The following VSIG10L2 variants were observed in gnomAD, a reference collection of about 807,000 sequenced individuals.
The protein encoded by VSIG10L2 is V-set and immunoglobulin domain-containing protein 10-like 2.
VSIG10L2 carries 56 observed loss-of-function variants against 67.1 expected under a neutral mutation model. That is an observed-to-expected ratio of 0.83 (90% CI 0.67 to 1.04). The LOEUF (loss-of-function observed/expected upper bound fraction) is 1.04, where lower values mean the gene tolerates loss of function less well. Ranked by LOEUF, VSIG10L2 falls within the 50% of genes least tolerant of loss-of-function variation. VSIG10L2 has a pLI of 0.00. For missense variants in VSIG10L2, 843 were observed against 932.8 expected (o/e 0.90, Z 1.25); for synonymous variants, 360 against 396.6 (o/e 0.91, Z 1.10).
chr11:125,953,427 C>A lies in VSIG10L2; in HGVS notation c.1523C>A (p.Pro508His). The A allele has an allele frequency of 2.4e-6, 3 of 1,232,410 alleles. No homozygotes were observed. Among genetic ancestry groups the A allele is most frequent in the Non-Finnish European group, 3.0e-6 (3 of 988,164 alleles). 76.3% of individuals were successfully genotyped at this position (1,232,410 alleles called of 1,614,324 possible). The change falls in exon 7 of 12, where the codon CCC (proline) becomes CAC (histidine). Residue 508 changes from proline to histidine, a missense_variant. Physicochemically the swap from Pro to His is moderately conservative, Grantham distance 77 (BLOSUM62 -2). Transcript: ENST00000686984. ...GCCCCACAGCTGGACGTGGCTGAGC[C>A]CCGCGTGTCAGTGTTGGAGGGGGGA... ...LEAPQLDVAE[P>H]RVSVLEGGEA...
chr11:125,954,454 A>G, intron 8 of VSIG10L2, 71 bp downstream of exon 8: 8 of 1,181,928 alleles, frequency 6.8e-6, no homozygotes, highest in Non-Finnish European at 8.5e-6. Context: ...CTTCCTCTTC[A>G]CAGGGCATCC....
intron 8 of VSIG10L2, 66 bp downstream of exon 8, chr11:125,954,449 T>C: frequency 8.4e-7 from 1 of 1,197,366 alleles, no homozygotes; most frequent in African/African-American, 1.6e-5. Flanking sequence ...TTCATCTTCC[T>C]CTTCACAGGG....
In VSIG10L2 at chr11:125,950,922, G is replaced by T; in HGVS notation, c.998G>T (p.Gly333Val). The change falls in exon 5 of 12, where the codon GGA becomes GTA. Residue 333 changes from glycine to valine, a missense_variant. Coordinates refer to ENST00000686984, the MANE Select transcript of VSIG10L2 (RefSeq NM_001365077.2). The stretch of plus-strand genomic sequence containing the variant: ...CTTCCCCATCCAGATCCCCCTGAGG[G>T]ACAGCCCTCCTGTGCAGTGCATCCC... ...VQLTIYYPPE[G>V]QPSCAVHPSP... 5 of 1,232,574 alleles carry T rather than the reference G, an allele frequency of 4.1e-6. No individual in the cohort carries two copies. The highest frequency in any genetic ancestry group is 5.1e-6 in the Non-Finnish European group (5 of 988,330). The allele number at this position is 1,232,574 out of a possible 1,614,324, so 76.4% of individuals were successfully genotyped here. A position where few individuals can be genotyped will look rare whatever the true frequency, so the allele number is the denominator to read the frequency against.
rs189968579 is a variant in VSIG10L2, at chr11:125,952,306, G to A, written c.1495+233G>A. Among the ~76,000 whole-genome samples, 11 of 152,154 alleles carry A rather than the reference G, an allele frequency of 7.2e-5. No individual in the cohort carries two copies. The East Asian group carries it at 1.9e-3, about 27-fold the overall frequency. On this transcript the variant is annotated intron_variant, in intron 6 of 11. Coordinates refer to ENST00000686984, the MANE Select transcript of VSIG10L2 (RefSeq NM_001365077.2). ...GTTGTGTAATAAAAATATAATGTGA[G>A]CCATATATGTGATTTAAAATATTCT...
In VSIG10L2 at chr11:125,951,133, G is replaced by A. The variant is rs1372068590; in HGVS notation, c.1209G>A (p.Pro403=). Residue 403 remains proline (P), a synonymous_variant, in exon 5 of 12, where the codon CCG becomes CCA. Coordinates refer to ENST00000686984, the MANE Select transcript of VSIG10L2 (RefSeq NM_001365077.2). The stretch of plus-strand genomic sequence containing the variant: ...CTGGCCAGCACCCAGCCCTGGCACC[G>A]CCTGCCCTCTGCACAGTCATGCTCT... ...TCTGQHPALA[P]PALCTVMLWE... is the part of the protein sequence containing the mutation. 2.7e-5 allele frequency: 33 copies of A among 1,232,922 alleles called. No individual in the cohort carries two copies. Among genetic ancestry groups the A allele is most frequent in the South Asian group, 4.1e-5 (1 of 24,328 alleles). The allele number at this position is 1,232,922 out of a possible 1,614,324, so 76.4% of individuals were successfully genotyped here. A position where few individuals can be genotyped will look rare whatever the true frequency, so the allele number is the denominator to read the frequency against.
Position 125,946,544 on chromosome 11 carries a change from C to CTTTTT in VSIG10L2, c.82+416_82+420dup, listed in dbSNP as rs745417197. ...GGTTTCTGGGTTACATATTTTTATTCTTTTTTTTTTTTTGAGATGGAGTCT... is the reference window on the plus strand; with the variant it reads ...GGTTTCTGGGTTACATATTTTTATTCTTTTTTTTTTTTTTTTTTGAGATGGAGTCT... On this transcript the variant is annotated intron_variant, in intron 1 of 11. Transcript: ENST00000686984. The surrounding 1 kb of genome is among the most constrained non-coding windows in gnomAD (Gnocchi z 4.4). Among the ~76,000 whole-genome samples, 36,847 of 142,506 alleles carry CTTTTT rather than the reference C, an allele frequency of 0.26. 5,612 individuals are homozygous for CTTTTT. The highest frequency in any genetic ancestry group is 0.34 in the Non-Finnish European group (21,910 of 65,194). 93.5% of individuals were successfully genotyped at this position (142,506 alleles called of 152,430 possible). A position where few individuals can be genotyped will look rare whatever the true frequency, so the allele number is the denominator to read the frequency against.
chr11:125,949,561 C>T (rs1945338447), intron 3 of VSIG10L2, among the ~76,000 whole-genome samples: 1 of 152,146 alleles, frequency 6.6e-6, no homozygotes, highest in African/African-American at 2.4e-5. Context: ...GATGGTGACC[C>T]TGAGCTTGGA....
rs1185874655 is a variant in VSIG10L2, at chr11:125,948,599, G to C, written c.709+19G>C. On this transcript the variant is annotated intron_variant, in intron 3 of 11. Coordinates refer to ENST00000686984, the MANE Select transcript of VSIG10L2 (RefSeq NM_001365077.2). ...GTCATTTGTGAGTCAGACTGTGGTG[G>C]GGGGGCTGTCAGGGCTGACACCCAT... 2.4e-6 allele frequency: 3 copies of C among 1,231,944 alleles called. No individual in the cohort carries two copies. The highest frequency in any genetic ancestry group is 4.2e-5 in the Admixed American group (1 of 23,706). 76.3% of individuals were successfully genotyped at this position (1,231,944 alleles called of 1,614,324 possible). A position where few individuals can be genotyped will look rare whatever the true frequency, so the allele number is the denominator to read the frequency against.
Position 125,948,480 on chromosome 11 carries a change from G to T in VSIG10L2, c.609G>T (p.Gln203His). The change falls in exon 3 of 12, where the codon CAG becomes CAT. Residue 203 changes from glutamine to histidine, a missense_variant. Physicochemically the swap from Gln to His is conservative, Grantham distance 24. Coordinates refer to ENST00000686984, the MANE Select transcript of VSIG10L2 (RefSeq NM_001365077.2). ...TGGGGGTCACTGAGCCACTATTCCA[G>T]CTGGACCCTGTCAACCGGACACACC... ...ALVGVTEPLFQLDPVNRTHLG... is the reference protein window; with the variant it reads ...ALVGVTEPLFHLDPVNRTHLG... 8.1e-7 allele frequency: 1 copy of T among 1,232,284 alleles called. No homozygotes were observed. Among genetic ancestry groups the T allele is most frequent in the Non-Finnish European group, 1.0e-6 (1 of 988,032 alleles). 76.3% of individuals were successfully genotyped at this position (1,232,284 alleles called of 1,614,324 possible). A position where few individuals can be genotyped will look rare whatever the true frequency, so the allele number is the denominator to read the frequency against.
intron 6 of VSIG10L2, 35 bp from the exon 7 acceptor site, chr11:125,953,364 TC>T: frequency 8.1e-7 from 1 of 1,231,960 alleles, no homozygotes; most frequent in Non-Finnish European, 1.0e-6. Flanking sequence ...CCCCAAGCCC[TC>T]CCACTAGCCG....
intron 2 of VSIG10L2, 111 bp downstream of exon 2, chr11:125,948,147 C>A: frequency 8.1e-7 from 1 of 1,231,656 alleles, no homozygotes; most frequent in Non-Finnish European, 1.0e-6. Flanking sequence ...TAAAGGGCGC[C>A]CCACTCCAGG....
intron 8 of VSIG10L2, 69 bp from the exon 9 acceptor site, chr11:125,954,988 C>T (rs1166973389): frequency 1.6e-6 from 2 of 1,229,218 alleles, no homozygotes; most frequent in African/African-American, 3.1e-5. Flanking sequence ...CTAGTGGTTC[C>T]CTACGAGCCA....
intron 6 of VSIG10L2, 77 bp from the exon 7 acceptor site, chr11:125,953,323 C>A: frequency 8.5e-7 from 1 of 1,173,032 alleles, no homozygotes; most frequent in South Asian, 4.3e-5. Context: ...CATCTCTTCT[C>A]CATGCCTTCC....
chr11:125,953,789 C>T (rs1434438162), intron 7 of VSIG10L2, 99 bp downstream of exon 7: 1 of 1,172,648 alleles, frequency 8.5e-7, no homozygotes, highest in Non-Finnish European at 1.1e-6. Flanking sequence ...ATTCCCTGCT[C>T]CAAAATTTGG....
chr11:125,946,121 G>C lies in VSIG10L2; in HGVS notation c.66G>C (p.Leu22=). The C allele has an allele frequency of 5.0e-6, 2 of 399,070 alleles. No homozygotes were observed. Among genetic ancestry groups the C allele is most frequent in the East Asian group, 7.1e-5 (2 of 28,076 alleles). 24.7% of individuals were successfully genotyped at this position (399,070 alleles called of 1,614,324 possible). A position where few individuals can be genotyped will look rare whatever the true frequency, so the allele number is the denominator to read the frequency against. Residue 22 remains leucine (L), a synonymous_variant, in exon 1 of 12, where the codon CTG becomes CTC. Coordinates refer to ENST00000686984, the MANE Select transcript of VSIG10L2 (RefSeq NM_001365077.2). The surrounding 1 kb of genome is among the most constrained non-coding windows in gnomAD (Gnocchi z 4.4). The part of the protein sequence containing the change: ...SLLLLIHLCL[L]HLRASGQPHP... ...TGCTGCTGATACACCTCTGCCTTCT[G>C]CACCTGAGGGCCTCAGGTGAGTGAT...
At chr11:125,952,101 G>C (rs1156634168) in intron 6 of VSIG10L2, 28 bp downstream of exon 6, 3 of 1,516,996 alleles carry the variant, frequency 2.0e-6, no homozygotes, top group Non-Finnish European at 2.6e-6. Flanking sequence ...AGTTTGTTCT[G>C]GGGCTGGGAC....
At chr11:125,953,359 A>T in intron 6 of VSIG10L2, 41 bp from the exon 7 acceptor site, 1 of 1,231,496 alleles carries the variant, frequency 8.1e-7, no homozygotes. Flanking sequence ...CTTGTCCCCA[A>T]GCCCTCCCAC....
chr11:125,948,572 A>T lies in VSIG10L2; in HGVS notation c.701A>T (p.Asp234Val). 8.1e-7 allele frequency: 1 copy of T among 1,232,196 alleles called. No individual in the cohort carries two copies. Among genetic ancestry groups the T allele is most frequent in the Non-Finnish European group, 1.0e-6 (1 of 988,082 alleles). 76.3% of individuals were successfully genotyped at this position (1,232,196 alleles called of 1,614,324 possible). Residue 234 changes from aspartate (D) to valine (V), a missense_variant, in exon 3 of 12, where the codon GAC (aspartate) becomes GTC (valine). Coordinates refer to ENST00000686984, the MANE Select transcript of VSIG10L2 (RefSeq NM_001365077.2). Reference sequence around the variant, plus strand: ...CTGAGCAGTGACGGGGCCTTCCTGGACGTCATTTGTGAGTCAGACTGTGGT... The same window carrying T: ...CTGAGCAGTGACGGGGCCTTCCTGGTCGTCATTTGTGAGTCAGACTGTGGT... ...NRLSSDGAFL[D>V]VIYGPDKPVI...
At chr11:125,951,736 G>GA in intron 5 of VSIG10L2, 77 bp from the exon 6 acceptor site, 2 of 1,384,498 alleles carry the variant, frequency 1.4e-6, no homozygotes, top group Non-Finnish European at 1.9e-6. Context: ...AGGAACCAAT[G>GA]AAGGAAGGGG....
Sources: allele counts gnomAD v4.1 joint callset (sites outside exome capture counted in the v4.1 genomes callset), GRCh38; gene constraint gnomAD v4.1.1; non-coding constraint Gnocchi (gnomAD v3.1); transcripts MANE v1.5; gene names NCBI Gene and HGNC (gene_info 2026-07-23, HGNC 2026-07-21).